MYOM2: variants seen among roughly 807,000 people sequenced by gnomAD.
MYOM2 encodes myomesin-2.
In MYOM2, 254 loss-of-function variants were observed where a neutral mutation model predicts 187.6. The ratio of observed to expected loss-of-function variants is 1.35; its 90% CI spans 1.22 to 1.50. The LOEUF (loss-of-function observed/expected upper bound fraction) is 1.50, where lower values mean the gene tolerates loss of function less well. Among genes scored for constraint, MYOM2 ranks in the 40% most tolerant of loss-of-function variants. MYOM2 has a pLI of 0.00. For synonymous variants in MYOM2, 981 were observed against 753.8 expected, an observed-to-expected ratio of 1.30 and a Z score of -4.94; for missense variants, 2,796 against 1,924.0, an observed-to-expected ratio of 1.45 and a Z score of -8.48.
At chr8:2,094,603 A>G (rs946795242) in intron 17 of MYOM2, among the ~76,000 whole-genome samples, 2 of 152,202 alleles carry the variant, frequency 1.3e-5, no homozygotes, top group Non-Finnish European at 2.9e-5. Flanking sequence ...GTGAGCCAAG[A>G]TCGTGCCACT....
intron 6 of MYOM2, among the ~76,000 whole-genome samples, chr8:2,064,218 G>T (rs1818940336): frequency 6.6e-6 from 1 of 152,196 alleles, no homozygotes; most frequent in South Asian, 2.1e-4. Flanking sequence ...ACCCTGGGAG[G>T]CAGGGCAAGG....
intron 13 of MYOM2, chr8:2,081,859 C>T (rs998642747): frequency 7.2e-5 from 11 of 152,230 alleles, no homozygotes; most frequent in African/African-American, 1.4e-4. Flanking sequence ...GCTCTCATTT[C>T]CCGTTGGAGT....
intron 14 of MYOM2, among the ~76,000 whole-genome samples, chr8:2,089,199 A>G (rs541756445): frequency 5.8e-5 from 1 of 17,150 alleles, no homozygotes; most frequent in Non-Finnish European, 2.9e-4. Context: ...TTTTATCTCT[A>G]TGTGAAAAAA....
At chr8:2,104,426 C>A (rs1479068186) in intron 21 of MYOM2, among the ~76,000 whole-genome samples, 2 of 152,024 alleles carry the variant, frequency 1.3e-5, no homozygotes, top group East Asian at 3.9e-4. Flanking sequence ...CACAGTGAAA[C>A]CCCGTCTCTA....
intron 32 of MYOM2, among the ~76,000 whole-genome samples, chr8:2,132,533 C>G (rs1797911688): frequency 6.6e-6 from 1 of 152,142 alleles, no homozygotes. Flanking sequence ...ATATTGACCA[C>G]TGAAGTCTTG....
At chr8:2,139,794 T>A (rs948195148) in intron 32 of MYOM2, among the ~76,000 whole-genome samples, 3 of 152,192 alleles carry the variant, frequency 2.0e-5, no homozygotes, top group Non-Finnish European at 4.4e-5. Flanking sequence ...TGTTAGGAAA[T>A]AACTTATACA....
intron 25 of MYOM2, among the ~76,000 whole-genome samples, chr8:2,114,710 T>C (rs1037149009): frequency 2.0e-5 from 3 of 152,226 alleles, no homozygotes; most frequent in African/African-American, 7.2e-5. Flanking sequence ...CCTCAGGTGA[T>C]CTGCCCACCT....
At chr8:2,117,976 A>T (rs1368766589) in intron 28 of MYOM2, 24 bp downstream of exon 28, 1 of 1,603,552 alleles carries the variant, frequency 6.2e-7, no homozygotes, top group South Asian at 1.1e-5. Flanking sequence ...TTCTAACAGG[A>T]AAACAATAAA....
At position 2,050,887 on chromosome 8, in the gene MYOM2, C is replaced by T. The variant is rs746975823; in HGVS notation, c.107+14C>T. 2.2e-5 allele frequency: 35 copies of T among 1,585,574 alleles called. No homozygotes were observed. The highest frequency in any genetic ancestry group is 1.7e-4 in the Middle Eastern group (1 of 6,040). On this transcript the variant is annotated intron_variant, in intron 2 of 36. Transcript: ENST00000262113. ...TGCGTCAAAAAAGTAAGCTGACATT[C>T]GCTGATGAGACGCGCAGAGCTTTGA...
intron 36 of MYOM2, 127 bp from the exon 37 acceptor site, chr8:2,144,537 T>C (rs1187267953): frequency 1.4e-5 from 14 of 988,364 alleles, no homozygotes; most frequent in Non-Finnish European, 2.2e-5. Context: ...TAAAGGCTTG[T>C]TTCTAAACAA....
chr8:2,076,664 C>T (rs1385117895), intron 11 of MYOM2: 2 of 177,326 alleles, frequency 1.1e-5, no homozygotes, highest in Non-Finnish European at 2.3e-5. Context: ...ACTGTCCTTC[C>T]CTCCTGAGAG....
Position 2,069,375 on chromosome 8 carries a change from CG to C in MYOM2, c.742+12del, listed in dbSNP as rs1563427520. 6.2e-7 allele frequency: 1 copy of C among 1,613,898 alleles called. No individual in the cohort carries two copies. ...GGCGGTGGTGGTGAGAAGTGAGTGC[CG>C]GGTGGGCTTTCACGGGGCACCTCCC... On this transcript the variant is annotated intron_variant, in intron 7 of 36. Coordinates refer to ENST00000262113, the MANE Select transcript of MYOM2 (RefSeq NM_003970.4).
At position 2,057,797 on chromosome 8, in the gene MYOM2, C is replaced by A. The variant is rs1818721393; in HGVS notation, c.560+17C>A. On this transcript the variant is annotated intron_variant, in intron 5 of 36. Transcript: ENST00000262113. ...GGTGCAGTGGTGAGGGGCTCTGTTC[C>A]CAGGGGGTGAAGAAGTCCATTCTGC... 1.2e-6 allele frequency: 2 copies of A among 1,609,504 alleles called. No homozygotes were observed. The highest frequency in any genetic ancestry group is 1.7e-5 in the Admixed American group (1 of 59,726).
Position 2,069,316 on chromosome 8 carries a change from C to T in MYOM2, c.692C>T (p.Ala231Val), listed in dbSNP as rs1819132929. Residue 231 changes from alanine (A) to valine (V), a missense_variant, in exon 7 of 37, where the codon GCC becomes GTC. Transcript: ENST00000262113. ...FDDTATYSAV[A>V]TNAHGQVSTN... is the part of the protein sequence containing the mutation. ...GACACTGCGACATACTCAGCAGTGG[C>T]CACCAATGCCCACGGACAAGTGTCC... is the stretch of plus-strand genomic sequence containing the variant. 6.2e-7 allele frequency: 1 copy of T among 1,613,604 alleles called. No individual in the cohort carries two copies. The highest frequency in any genetic ancestry group is 1.7e-5 in the Admixed American group (1 of 60,006).
intron 18 of MYOM2, 35 bp downstream of exon 18, chr8:2,096,469 C>T (rs1796490271): frequency 1.3e-6 from 2 of 1,597,292 alleles, no homozygotes; most frequent in Non-Finnish European, 1.7e-6. Flanking sequence ...CTATTTTTGC[C>T]TGGGTGGTTC....
intron 6 of MYOM2, among the ~76,000 whole-genome samples, chr8:2,062,088 TG>T (rs1330344652): frequency 6.6e-6 from 1 of 151,060 alleles, no homozygotes; most frequent in East Asian, 2.0e-4. Flanking sequence ...AGCTGTGGAG[TG>T]GGTGGGCCCC....
At chr8:2,119,006 T>C (rs988009667) in intron 28 of MYOM2, 2 of 152,134 alleles carry the variant, frequency 1.3e-5, no homozygotes, top group African/African-American at 4.8e-5. Flanking sequence ...ACCGAGTGGG[T>C]GTGATATTTC....
chr8:2,061,857 C>A (rs1293534040), intron 6 of MYOM2, among the ~76,000 whole-genome samples: 1 of 152,204 alleles, frequency 6.6e-6, no homozygotes, highest in Non-Finnish European at 1.5e-5. Context: ...CTGGTGCTAT[C>A]CTGGATGTTC....
chr8:2,086,188 C>T (rs1209052335), intron 14 of MYOM2, among the ~76,000 whole-genome samples: 44 of 4,276 alleles, frequency 0.01, 12 homozygotes, highest in Non-Finnish European at 0.021. Flanking sequence ...GCCCCACTGT[C>T]ATGATCTCTG....
Sources: allele counts gnomAD v4.1 joint callset (sites outside exome capture counted in the v4.1 genomes callset), GRCh38; gene constraint gnomAD v4.1.1; transcripts MANE v1.5; gene names NCBI Gene and HGNC (gene_info 2026-07-23, HGNC 2026-07-21).